UACA: variants seen among roughly 807,000 people sequenced by gnomAD.
UACA encodes uveal autoantigen with coiled-coil domains and ankyrin repeats, also known as nuclear membrane binding protein.
In UACA, 112 loss-of-function variants were observed where a neutral mutation model predicts 160.5. The observed-to-expected ratio is 0.70, with a 90% CI of 0.60 to 0.82. The LOEUF is 0.82. UACA is among the 40% of genes least tolerant of loss of function. The probability of loss-of-function intolerance (pLI) is 0.00; values close to 1 mark genes in which losing one functional copy is unlikely to be tolerated. For synonymous variants in UACA, 557 were observed against 568.4 expected (o/e 0.98, Z 0.29); for missense variants, 1,574 against 1,614.6 (o/e 0.97, Z 0.43).
chr15:70,777,180 C>T, the UACA span, among the ~76,000 whole-genome samples: 55 of 152,198 alleles, frequency 3.6e-4, no homozygotes, highest in Non-Finnish European at 6.2e-4. Context: ...CATCTGAGCG[C>T]CTGGAAGGAC....
chr15:70,737,833 T>C (rs1264585139), intron 1 of UACA, among the ~76,000 whole-genome samples: 2 of 152,260 alleles, frequency 1.3e-5, no homozygotes, highest in Non-Finnish European at 1.5e-5. Flanking sequence ...ACCTCAAGCA[T>C]AGCCTTTTAC....
chr15:70,692,247 G>A (rs148799002), intron 3 of UACA, among the ~76,000 whole-genome samples: 88 of 152,204 alleles, frequency 5.8e-4, no homozygotes, highest in African/African-American at 2.0e-3. Flanking sequence ...GTACAGCCTC[G>A]AATGCCTGGG....
chr15:70,767,081 A>C (rs538337289), upstream of UACA, among the ~76,000 whole-genome samples: 1 of 151,942 alleles, frequency 6.6e-6, no homozygotes, highest in East Asian at 1.9e-4. Flanking sequence ...TCCACTAAAA[A>C]TACAAAAAAT....
intron 1 of UACA, among the ~76,000 whole-genome samples, chr15:70,747,241 G>GTTTTTTTTT (rs549683234): frequency 8.4e-6 from 1 of 119,254 alleles, no homozygotes; most frequent in Non-Finnish European, 1.7e-5. Context: ...TGTTTTTTGG[G>GTTTTTTTTT]TTTTTTTTTT....
intron 13 of UACA, among the ~76,000 whole-genome samples, chr15:70,673,721 G>A (rs1897214591): frequency 6.6e-6 from 1 of 152,070 alleles, no homozygotes; most frequent in Non-Finnish European, 1.5e-5. Context: ...TACATACAAG[G>A]GAAATAGCTA....
At chr15:70,673,045 G>A (rs975348274) in intron 13 of UACA, among the ~76,000 whole-genome samples, 5 of 152,150 alleles carry the variant, frequency 3.3e-5, no homozygotes, top group South Asian at 2.1e-4. Context: ...GCAGTGAGCC[G>A]AGATCGTGCC....
chr15:70,739,047 A>G (rs1305109442), intron 1 of UACA, among the ~76,000 whole-genome samples: 1 of 152,220 alleles, frequency 6.6e-6, no homozygotes, highest in Non-Finnish European at 1.5e-5. Context: ...AATCCAACCC[A>G]TATTCAAGAG....
chr15:70,775,778 T>TAAC, the UACA span, among the ~76,000 whole-genome samples: 1 of 152,346 alleles, frequency 6.6e-6, no homozygotes, highest in Non-Finnish European at 1.5e-5. Flanking sequence ...TCCTAAACAG[T>TAAC]ACTTACACAG....
chr15:70,754,227 A>G (rs189962900), intron 1 of UACA: 12 of 450,418 alleles, frequency 2.7e-5, no homozygotes, highest in Non-Finnish European at 1.8e-5. Context: ...TCAATTACAG[A>G]CAGTCCCCAA....
Position 70,736,014 on chromosome 15 carries a change from GT to G in UACA, c.78+27315del, listed in dbSNP as rs35463631. ...TTTAAAAAAGAAATGAATAACAAAGGTTTTTTTTATACTTTTGTAATTTCAA... is the reference window on the plus strand; with the variant it reads ...TTTAAAAAAGAAATGAATAACAAAGGTTTTTTTATACTTTTGTAATTTCAA... On this transcript the variant is annotated intron_variant, in intron 1 of 18. Transcript: ENST00000322954. 3.3e-4 allele frequency among the ~76,000 whole-genome samples: 50 copies of G among 151,798 alleles called. No individual in the cohort carries two copies. In the East Asian group the frequency reaches 6.6e-3, roughly 20 times the overall value.
At chr15:70,682,425 T>C (rs1291558757) in intron 9 of UACA, among the ~76,000 whole-genome samples, 1 of 152,172 alleles carries the variant, frequency 6.6e-6, no homozygotes, top group African/African-American at 2.4e-5. Context: ...GGGGAAACTG[T>C]CTATGATCTG....
At chr15:70,759,895 C>A (rs1230090837) in intron 1 of UACA, among the ~76,000 whole-genome samples, 2 of 152,116 alleles carry the variant, frequency 1.3e-5, no homozygotes, top group Non-Finnish European at 2.9e-5. Flanking sequence ...ACTACTTTTG[C>A]CCATAATCTG....
intron 1 of UACA, among the ~76,000 whole-genome samples, chr15:70,744,122 G>A (rs921896580): frequency 6.6e-6 from 1 of 151,860 alleles, no homozygotes; most frequent in Non-Finnish European, 1.5e-5. Flanking sequence ...GCGGGCGCCT[G>A]TAGTCCCAGC....
intron 15 of UACA, among the ~76,000 whole-genome samples, chr15:70,670,167 CT>C (rs1335122970): frequency 6.6e-6 from 1 of 152,136 alleles, no homozygotes. Context: ...GGTGAGCAGG[CT>C]CAAGCATGCG....
chr15:70,719,425 A>C (rs955956760), intron 1 of UACA, among the ~76,000 whole-genome samples: 6 of 152,216 alleles, frequency 3.9e-5, no homozygotes, highest in Non-Finnish European at 7.3e-5. Flanking sequence ...CGACAGGCAG[A>C]CTAAGAATGT....
chr15:70,665,854 C>A (rs1595868916), intron 16 of UACA, among the ~76,000 whole-genome samples: 1 of 152,166 alleles, frequency 6.6e-6, no homozygotes, highest in South Asian at 2.1e-4. Flanking sequence ...CAGCACATGA[C>A]ATGCAGAAGG....
intron 8 of UACA, among the ~76,000 whole-genome samples, chr15:70,683,033 A>T (rs1389354755): frequency 1.3e-5 from 2 of 152,118 alleles, no homozygotes; most frequent in Non-Finnish European, 2.9e-5. Context: ...AAGATTAAAG[A>T]CTAAGGATTG....
chr15:70,664,421 T>C (rs370794170), intron 17 of UACA, among the ~76,000 whole-genome samples: 1 of 152,162 alleles, frequency 6.6e-6, no homozygotes, highest in African/African-American at 2.4e-5. Flanking sequence ...TGTGAGATCA[T>C]GATGAAGATA....
At chr15:70,752,963 C>T (rs79153499) in intron 1 of UACA, among the ~76,000 whole-genome samples, 2,304 of 152,248 alleles carry the variant, frequency 0.015, 26 homozygotes, top group South Asian at 0.024. Flanking sequence ...AAGTTACACT[C>T]TACAATGAAT....
Sources: gnomAD v4.1 joint callset for allele counts (sites outside exome capture counted in the v4.1 genomes callset) on GRCh38, gnomAD v4.1.1 for gene constraint, MANE v1.5 for transcripts, NCBI Gene and HGNC (gene_info 2026-07-23, HGNC 2026-07-21) for gene names.